PHF8: variants seen among roughly 807,000 people sequenced by gnomAD.
PHF8 encodes PHD finger protein 8, also known as histone lysine demethylase PHF8.
Under a neutral mutation model 74.4 loss-of-function variants are expected in PHF8, and 9 were observed. The ratio of observed to expected loss-of-function variants is 0.12; its 90% CI spans 0.07 to 0.21. PHF8 has a LOEUF of 0.21. Ranked by LOEUF, PHF8 falls within the 10% of genes least tolerant of loss-of-function variation. PHF8 has a pLI of 1.00. For synonymous variants in PHF8, 311 were observed against 316.6 expected (o/e 0.98, Z 0.19); for missense variants, 478 against 816.6 (o/e 0.59, Z 5.05).
At chrX:54,021,454 A>ATTTTTTTTTTTTTTTTTTTTTTT (rs1156928686) in intron 4 of PHF8, among the ~76,000 whole-genome samples, 1 of 42,173 alleles carries the variant, frequency 2.4e-5, no homozygotes, top group African/African-American at 1.1e-4. Context: ...AGTTGCAATT[A>ATTTTTTTTTTTTTTTTTTTTTTT]TTTTTTTTTT....
rs782363250 is a variant in PHF8 at position 54,009,844 on chromosome X, G to GAAAAAA, written c.946+1272_946+1277dup. On this transcript the variant is annotated intron_variant, in intron 8 of 21. Transcript: ENST00000338154. ...GGTGACAGAGTGAGACTCTGTCTCA[G>GAAAAAA]AAAAAAAAAAAAAAAAAAAAAAAAA... Among the ~76,000 whole-genome samples the GAAAAAA allele has an allele frequency of 2.1e-4, 2 of 9,390 alleles. 1 individual carries two copies. Among genetic ancestry groups the GAAAAAA allele is most frequent in the African/African-American group, 3.1e-4 (2 of 6,417 alleles). The allele number at this position is 9,390 out of a possible 115,157, so 8.2% of individuals were successfully genotyped here.
At chrX:53,983,147 C>T (rs1557098532) in intron 18 of PHF8, among the ~76,000 whole-genome samples, 1 of 104,555 alleles carries the variant, frequency 9.6e-6, no homozygotes, top group Non-Finnish European at 2.0e-5. Flanking sequence ...TGCACTCCAG[C>T]CTGGGAGACA....
At chrX:54,041,948 T>A (rs1230141830) in intron 2 of PHF8, among the ~76,000 whole-genome samples, 1 of 111,835 alleles carries the variant, frequency 8.9e-6, no homozygotes, top group Non-Finnish European at 1.9e-5. Context: ...CTCAACTACC[T>A]CAAATAAGCA....
intron 12 of PHF8, chrX:53,995,080 T>C (rs918518850): frequency 6.2e-6 from 2 of 321,612 alleles, no homozygotes; most frequent in African/African-American, 5.4e-5. Context: ...TCTGAAAGGC[T>C]TGCAAGTGAC....
chrX:54,022,386 A>G lies in PHF8; in HGVS notation c.185-19T>C, dbSNP rs1193301419. 9.9e-7 allele frequency: 1 copy of G among 1,005,445 alleles called. No homozygotes were observed. 82.9% of individuals were successfully genotyped at this position (1,005,445 alleles called of 1,213,427 possible). ...TTTTTCACTAAGCCAGAAAAACATGAGAGATTGTGAGTCAGAACGGTCATG... is the reference window on the plus strand; with the variant it reads ...TTTTTCACTAAGCCAGAAAAACATGGGAGATTGTGAGTCAGAACGGTCATG... On this transcript the variant is annotated intron_variant, in intron 3 of 21. Transcript: ENST00000338154.
chrX:53,942,665 G>GT (rs1569523689), intron 20 of PHF8: 6 of 718,504 alleles, frequency 8.4e-6, no homozygotes, highest in South Asian at 7.1e-5. Context: ...ATTTATGATT[G>GT]TAAGTACCAC....
chrX:53,991,072 T>C (rs2065652339), intron 14 of PHF8, among the ~76,000 whole-genome samples: 2 of 111,867 alleles, frequency 1.8e-5, no homozygotes, highest in Non-Finnish European at 3.8e-5. Flanking sequence ...ATACATATAA[T>C]GAGGACACTG....
intron 18 of PHF8, among the ~76,000 whole-genome samples, chrX:53,964,233 G>C (rs1249419324): frequency 9.1e-6 from 1 of 110,421 alleles, no homozygotes; most frequent in Non-Finnish European, 1.9e-5. Context: ...GGGCCTGTGA[G>C]GGGGAAGGGG....
chrX:53,998,639 A>G (rs1443458823), intron 11 of PHF8, among the ~76,000 whole-genome samples: 4 of 111,197 alleles, frequency 3.6e-5, no homozygotes, highest in Non-Finnish European at 7.5e-5. Context: ...ATATACTAAC[A>G]TAATTCTTAT....
At chrX:53,968,587 C>G (rs782000546) in intron 18 of PHF8, among the ~76,000 whole-genome samples, 3 of 112,268 alleles carry the variant, frequency 2.7e-5, no homozygotes, top group African/African-American at 9.7e-5. Flanking sequence ...ATCCTGATAC[C>G]AAAACCAGAA....
chrX:54,044,528 C>CGG (rs372754864), upstream of PHF8: 1 of 428,879 alleles, frequency 2.3e-6, no homozygotes, highest in African/African-American at 2.7e-5. Context: ...GTGACGTCAT[C>CGG]GGGGGGGCGG....
chrX:53,966,977 G>A (rs1435044711), intron 18 of PHF8, among the ~76,000 whole-genome samples: 1 of 109,328 alleles, frequency 9.1e-6, no homozygotes, highest in Admixed American at 9.6e-5. Flanking sequence ...TCTGGGAAGG[G>A]AGGAGACCCT....
chrX:53,985,454 A>G (rs1253412277), intron 17 of PHF8, among the ~76,000 whole-genome samples: 1 of 111,320 alleles, frequency 9.0e-6, no homozygotes, highest in Non-Finnish European at 1.9e-5. Context: ...CTCTCCACAG[A>G]CAGCAGGCAA....
At chrX:54,038,953 A>T (rs959914020) in intron 2 of PHF8, among the ~76,000 whole-genome samples, 6 of 109,600 alleles carry the variant, frequency 5.5e-5, no homozygotes, top group Non-Finnish European at 1.1e-4. Context: ...TGACCAACAT[A>T]GTGAAACCCT....
intron 18 of PHF8, among the ~76,000 whole-genome samples, chrX:53,979,516 C>T (rs964539750): frequency 2.7e-5 from 3 of 111,952 alleles, no homozygotes; most frequent in African/African-American, 6.5e-5. Flanking sequence ...ATATCAAACA[C>T]TAGAGATGAT....
intron 2 of PHF8, among the ~76,000 whole-genome samples, chrX:54,027,925 A>G (rs186510428): frequency 1.8e-5 from 2 of 110,739 alleles, no homozygotes; most frequent in East Asian, 5.6e-4. Context: ...CTAGGTAGAA[A>G]AAAAAACAGG....
At position 54,035,994 on chromosome X, in the gene PHF8, C is replaced by T. The variant is rs1376529853; in HGVS notation, c.98+6637G>A. 3.7e-5 allele frequency among the ~76,000 whole-genome samples: 4 copies of T among 108,830 alleles called. No individual in the cohort carries two copies. In the Admixed American group the frequency reaches 3.9e-4, roughly 11 times the overall value. 94.5% of individuals were successfully genotyped at this position (108,830 alleles called of 115,157 possible). On this transcript the variant is annotated intron_variant, in intron 2 of 21. Transcript: ENST00000338154. ...GGCGTGGTGGCACATGCCTGTAGTC[C>T]CAGCTATTCAGGAGGCTGAGGCAGA...
intron 2 of PHF8, 67 bp from the exon 3 acceptor site, chrX:54,022,910 G>GT: frequency 1.6e-6 from 1 of 622,776 alleles, no homozygotes; most frequent in Non-Finnish European, 2.7e-6. Context: ...GAACAGTGCT[G>GT]TCCAGTAGAA....
chrX:53,994,336 G>C (rs1293086282), intron 12 of PHF8, among the ~76,000 whole-genome samples: 3 of 112,216 alleles, frequency 2.7e-5, no homozygotes, highest in Non-Finnish European at 5.6e-5. Flanking sequence ...TAAAATTAAA[G>C]GACTAGACTG....
Sources: gnomAD v4.1 joint callset for allele counts (sites outside exome capture counted in the v4.1 genomes callset) on GRCh38, gnomAD v4.1.1 for gene constraint, MANE v1.5 for transcripts, NCBI Gene and HGNC (gene_info 2026-07-23, HGNC 2026-07-21) for gene names.